The following CHST8 variants were observed in gnomAD, a reference collection of about 807,000 sequenced individuals.
The protein encoded by CHST8 is carbohydrate sulfotransferase 8, also known as GALNAC-4-ST1.
CHST8 carries 10 observed loss-of-function variants against 15.0 expected under a neutral mutation model. The observed-to-expected ratio is 0.67, with a 90% CI of 0.41 to 1.13. The LOEUF (loss-of-function observed/expected upper bound fraction) is 1.13. CHST8 is among the 50% of genes most tolerant of loss of function. The pLI, the probability that CHST8 is intolerant of heterozygous loss-of-function variation, is 0.00. For synonymous variants in CHST8, 259 were observed against 256.6 expected (o/e 1.01, Z -0.09); for missense variants, 634 against 608.2 (o/e 1.04, Z -0.45).
chr19:33,719,157 G>A (rs1179709220), intron 3 of CHST8, among the ~76,000 whole-genome samples: 1 of 145,682 alleles, frequency 6.9e-6, no homozygotes, highest in Non-Finnish European at 1.5e-5. Flanking sequence ...AATAAAACGT[G>A]TTTTCTAAAC....
intron 1 of CHST8, among the ~76,000 whole-genome samples, chr19:33,660,360 A>G (rs1399091039): frequency 6.6e-6 from 1 of 152,152 alleles, no homozygotes; most frequent in Non-Finnish European, 1.5e-5. Flanking sequence ...CCGCTCTTGG[A>G]AGGAAAGAAT....
intron 2 of CHST8, among the ~76,000 whole-genome samples, chr19:33,668,949 C>G (rs1972698808): frequency 6.6e-6 from 1 of 152,098 alleles, no homozygotes; most frequent in African/African-American, 2.4e-5. Context: ...GTATTTATAA[C>G]AGAGTAGCAC....
At chr19:33,724,525 T>C (rs1219568536) in intron 3 of CHST8, among the ~76,000 whole-genome samples, 2 of 152,194 alleles carry the variant, frequency 1.3e-5, no homozygotes, top group African/African-American at 4.8e-5. Flanking sequence ...TAATTGAAGC[T>C]CCATTAAAAT....
chr19:33,643,215 A>G (rs1972306356), intron 1 of CHST8, among the ~76,000 whole-genome samples: 2 of 152,204 alleles, frequency 1.3e-5, no homozygotes, highest in Non-Finnish European at 2.9e-5. Context: ...ATTTTTTCTC[A>G]TAATCACAAC....
At chr19:33,633,774 C>CGT (rs55655047) in intron 1 of CHST8, among the ~76,000 whole-genome samples, 46,100 of 140,752 alleles carry the variant, frequency 0.33, 7,928 homozygotes, top group Middle Eastern at 0.44. Flanking sequence ...TTTTCTTTTT[C>CGT]GTGTGTGTGT....
chr19:33,657,152 CACACAA>C (rs1403180965), intron 1 of CHST8, among the ~76,000 whole-genome samples: 183 of 147,410 alleles, frequency 1.2e-3, no homozygotes, highest in African/African-American at 4.8e-3. Flanking sequence ...CACACACACA[CACACAA>C]ACACACATAT....
At chr19:33,702,769 G>A (rs1225305711) in intron 3 of CHST8, among the ~76,000 whole-genome samples, 1 of 152,222 alleles carries the variant, frequency 6.6e-6, no homozygotes, top group African/African-American at 2.4e-5. Flanking sequence ...TCTCAGGTGT[G>A]GAGTGACCCC....
intron 3 of CHST8, among the ~76,000 whole-genome samples, chr19:33,746,789 A>G (rs554960792): frequency 5.2e-4 from 79 of 152,098 alleles, no homozygotes; most frequent in Non-Finnish European, 9.3e-4. Flanking sequence ...GACCCTAGAA[A>G]ACAAGGATCT....
At chr19:33,723,132 G>A (rs754674154) in intron 3 of CHST8, among the ~76,000 whole-genome samples, 12 of 152,316 alleles carry the variant, frequency 7.9e-5, no homozygotes, top group Middle Eastern at 3.4e-3. Flanking sequence ...ATGTGTGCAC[G>A]CCCTGGGTTC....
At chr19:33,649,621 A>G (rs1053776936) in intron 1 of CHST8, among the ~76,000 whole-genome samples, 1 of 152,222 alleles carries the variant, frequency 6.6e-6, no homozygotes, top group African/African-American at 2.4e-5. Flanking sequence ...CATGCGTCCC[A>G]TGTTTACCTT....
At chr19:33,672,342 C>T (rs529987974) in intron 2 of CHST8, among the ~76,000 whole-genome samples, 99 of 152,124 alleles carry the variant, frequency 6.5e-4, no homozygotes, top group Non-Finnish European at 1.2e-3. Context: ...GGATTACAGG[C>T]GCACACCACC....
intron 3 of CHST8, among the ~76,000 whole-genome samples, chr19:33,713,352 G>A (rs1973597209): frequency 6.6e-6 from 1 of 152,096 alleles, no homozygotes; most frequent in Non-Finnish European, 1.5e-5. Context: ...AGATGCAATG[G>A]TGCCCTCCCA....
chr19:33,763,019 C>T (rs1296293021), intron 3 of CHST8, among the ~76,000 whole-genome samples: 7 of 152,118 alleles, frequency 4.6e-5, no homozygotes, highest in Non-Finnish European at 1.0e-4. Context: ...CAGGCGCCCA[C>T]CATCATGCCT....
intron 1 of CHST8, among the ~76,000 whole-genome samples, chr19:33,627,636 C>G (rs894822919): frequency 2.6e-5 from 4 of 152,062 alleles, no homozygotes; most frequent in Non-Finnish European, 1.5e-5. Flanking sequence ...CTTTCCCTGC[C>G]AAGCCATGAC....
chr19:33,695,821 C>CTTTCTTTCTTTCTTTCTTTCTT (rs57718433), intron 3 of CHST8, among the ~76,000 whole-genome samples: 7 of 76,234 alleles, frequency 9.2e-5, no homozygotes, highest in East Asian at 4.0e-4. Flanking sequence ...TTCTTTCTTT[C>CTTTCTTTCTTTCTTTCTTTCTT]TTTTTTTTTT....
intron 3 of CHST8, among the ~76,000 whole-genome samples, chr19:33,719,378 T>G (rs998400228): frequency 6.6e-6 from 1 of 152,080 alleles, no homozygotes; most frequent in African/African-American, 2.4e-5. Context: ...GCTGGGGAGA[T>G]GGGGACTGGG....
chr19:33,767,017 C>T (rs959177335), intron 3 of CHST8, among the ~76,000 whole-genome samples: 2 of 152,276 alleles, frequency 1.3e-5, no homozygotes, highest in Non-Finnish European at 2.9e-5. Context: ...TCTCCCATGC[C>T]TGTCCCTCTG....
At chr19:33,762,599 G>C (rs1034505884) in intron 3 of CHST8, among the ~76,000 whole-genome samples, 7 of 152,258 alleles carry the variant, frequency 4.6e-5, no homozygotes, top group African/African-American at 1.7e-4. Flanking sequence ...CTGGGGGCAG[G>C]AGCTGCGCTG....
At chr19:33,628,777 G>C (rs1314145772) in intron 1 of CHST8, among the ~76,000 whole-genome samples, 1 of 152,200 alleles carries the variant, frequency 6.6e-6, no homozygotes, top group Non-Finnish European at 1.5e-5. Context: ...AAGTCATTCT[G>C]TCTAAACTGG....
Sources: allele counts gnomAD v4.1 joint callset (sites outside exome capture counted in the v4.1 genomes callset), GRCh38; gene constraint gnomAD v4.1.1; transcripts MANE v1.5; gene names NCBI Gene and HGNC (gene_info 2026-07-23, HGNC 2026-07-21).